MYO3B: variants seen among roughly 807,000 people sequenced by gnomAD.
MYO3B encodes the protein myosin-IIIb.
Under a neutral mutation model 174.6 loss-of-function variants are expected in MYO3B, and 156 were observed. The ratio of observed to expected loss-of-function variants is 0.89; its 90% CI spans 0.78 to 1.02. The LOEUF (loss-of-function observed/expected upper bound fraction) is 1.02, where lower values mean the gene tolerates loss of function less well. MYO3B is among the 50% of genes least tolerant of loss of function. The pLI is 0.00. For missense variants in MYO3B, 1,632 were observed against 1,639.4 expected, an observed-to-expected ratio of 1.00 and a Z score of 0.08; for synonymous variants, 563 against 569.1, an observed-to-expected ratio of 0.99 and a Z score of 0.15.
intron 32 of MYO3B, among the ~76,000 whole-genome samples, chr2:170,645,896 A>C (rs1395315619): frequency 6.6e-6 from 1 of 152,214 alleles, no homozygotes; most frequent in East Asian, 1.9e-4. Flanking sequence ...CAGTGACTCA[A>C]GATATGAAAC....
At chr2:170,390,241 C>T (rs1251225791) in intron 14 of MYO3B, among the ~76,000 whole-genome samples, 1 of 152,174 alleles carries the variant, frequency 6.6e-6, no homozygotes, top group African/African-American at 2.4e-5. Context: ...CCAGCCTGTG[C>T]AACATAGTGA....
chr2:170,636,883 A>T (rs1575313285), intron 32 of MYO3B, among the ~76,000 whole-genome samples: 1 of 151,930 alleles, frequency 6.6e-6, no homozygotes, highest in East Asian at 1.9e-4. Context: ...TTCATTTGGA[A>T]ACTTAAAATT....
chr2:170,533,419 TG>T (rs988122342), intron 30 of MYO3B, among the ~76,000 whole-genome samples: 4 of 61,120 alleles, frequency 6.5e-5, no homozygotes, highest in African/African-American at 2.8e-4. Context: ...TTATCTTTTG[TG>T]GGGGTGGGGG....
chr2:170,227,748 A>G (rs1159336137), intron 6 of MYO3B, among the ~76,000 whole-genome samples: 1 of 152,210 alleles, frequency 6.6e-6, no homozygotes, highest in Non-Finnish European at 1.5e-5. Flanking sequence ...GGGAACTTTC[A>G]GATACTCTGA....
chr2:170,552,635 C>T (rs1287732133), intron 32 of MYO3B, among the ~76,000 whole-genome samples: 1 of 152,288 alleles, frequency 6.6e-6, no homozygotes, highest in Admixed American at 6.5e-5. Flanking sequence ...GGAAAATTTG[C>T]AGCCCAATCA....
intron 7 of MYO3B, among the ~76,000 whole-genome samples, chr2:170,325,082 G>C (rs564773497): frequency 1.3e-5 from 2 of 152,080 alleles, no homozygotes; most frequent in South Asian, 4.2e-4. Flanking sequence ...GTTTCTTCTT[G>C]GGTACTCCAT....
intron 28 of MYO3B, among the ~76,000 whole-genome samples, chr2:170,509,984 G>T (rs1372569743): frequency 6.6e-6 from 1 of 152,216 alleles, no homozygotes; most frequent in Admixed American, 6.5e-5. Flanking sequence ...ATCACGGTTT[G>T]ATTTGCTGTG....
chr2:170,239,062 C>G (rs1363016077), intron 7 of MYO3B, among the ~76,000 whole-genome samples: 1 of 152,158 alleles, frequency 6.6e-6, no homozygotes, highest in Non-Finnish European at 1.5e-5. Context: ...CGCCTTTGCT[C>G]CAAAAAAGTC....
chr2:170,476,771 G>A (rs1039324903), intron 25 of MYO3B, among the ~76,000 whole-genome samples: 1 of 151,996 alleles, frequency 6.6e-6, no homozygotes, highest in Non-Finnish European at 1.5e-5. Context: ...CTTATTTAGG[G>A]CCATGGGTAT....
At chr2:170,240,606 A>G (rs759811203) in intron 7 of MYO3B, among the ~76,000 whole-genome samples, 2 of 152,238 alleles carry the variant, frequency 1.3e-5, no homozygotes, top group Non-Finnish European at 2.9e-5. Flanking sequence ...TTGATGAATT[A>G]CATATGTTGA....
At chr2:170,272,828 A>C (rs904455097) in intron 7 of MYO3B, among the ~76,000 whole-genome samples, 3 of 152,178 alleles carry the variant, frequency 2.0e-5, no homozygotes, top group Non-Finnish European at 2.9e-5. Flanking sequence ...ATGTAGCAAG[A>C]TCCTTAAGCC....
At chr2:170,268,473 ATAT>A (rs963503976) in intron 7 of MYO3B, among the ~76,000 whole-genome samples, 10 of 152,244 alleles carry the variant, frequency 6.6e-5, no homozygotes, top group Non-Finnish European at 1.5e-4. Flanking sequence ...ACTGGTCAAA[ATAT>A]TAAATCTTGA....
intron 6 of MYO3B, among the ~76,000 whole-genome samples, chr2:170,220,958 C>A (rs753708676): frequency 6.6e-6 from 1 of 152,278 alleles, no homozygotes; most frequent in African/African-American, 2.4e-5. Context: ...AATGGAGAAG[C>A]ATTTTTTCCA....
Position 170,234,028 on chromosome 2 carries a change from G to A in MYO3B, c.604-1963G>A, listed in dbSNP as rs12621595. ...CTACTAAAAATACAAAAAATTAGCC[G>A]GGCGTAGTGGCGGGCGCCTGTAGTC... On this transcript the variant is annotated intron_variant, in intron 6 of 34. Transcript: ENST00000408978. Among the ~76,000 whole-genome samples the A allele has an allele frequency of 1.4e-3, 205 of 151,326 alleles. 3 individuals are homozygous for A. The East Asian group carries it at 0.027, about 20-fold the overall frequency.
chr2:170,382,928 C>A, intron 10 of MYO3B, 145 bp from the exon 11 acceptor site: 1 of 592,662 alleles, frequency 1.7e-6, no homozygotes. Context: ...GAATTGGGAT[C>A]ATTAGGGTCA....
intron 25 of MYO3B, among the ~76,000 whole-genome samples, chr2:170,479,261 G>A (rs530054234): frequency 1.3e-5 from 2 of 149,568 alleles, no homozygotes; most frequent in East Asian, 3.9e-4. Context: ...TCCAGCCTGG[G>A]CAACAGAGTG....
At chr2:170,243,756 A>C (rs2105315432) in intron 7 of MYO3B, among the ~76,000 whole-genome samples, 1 of 152,340 alleles carries the variant, frequency 6.6e-6, no homozygotes, top group South Asian at 2.1e-4. Flanking sequence ...TCTATTCAAA[A>C]AGAGCCACCC....
intron 30 of MYO3B, among the ~76,000 whole-genome samples, chr2:170,537,206 AAAAAAAAAAC>A (rs1205530317): frequency 2.9e-5 from 3 of 104,518 alleles, no homozygotes; most frequent in Non-Finnish European, 5.9e-5. Context: ...GTCTCAAAAA[AAAAAAAAAAC>A]AAAAAACAAA....
chr2:170,197,047 A>C (rs2105331157), intron 1 of MYO3B, among the ~76,000 whole-genome samples: 1 of 150,634 alleles, frequency 6.6e-6, no homozygotes, highest in African/African-American at 2.4e-5. Flanking sequence ...CATGTCTGAC[A>C]CCTGGCTCCA....
Sources: gnomAD v4.1 joint callset for allele counts (sites outside exome capture counted in the v4.1 genomes callset) on GRCh38, gnomAD v4.1.1 for gene constraint, MANE v1.5 for transcripts, NCBI Gene and HGNC (gene_info 2026-07-23, HGNC 2026-07-21) for gene names.